Variants in MAPK10 observed in about 807,000 individuals in gnomAD.
MAPK10 encodes the protein JNK3 alpha protein kinase.
A neutral mutation model predicts 59.3 loss-of-function variants in MAPK10; 25 were observed. That is an observed-to-expected ratio of 0.42 (90% CI 0.31 to 0.59). MAPK10 has a LOEUF of 0.59. MAPK10 is among the 20% of genes least tolerant of loss of function. MAPK10 has a pLI of 0.15. For missense variants in MAPK10, 351 were observed against 568.9 expected (o/e 0.62, Z 3.90); for synonymous variants, 190 against 200.5 (o/e 0.95, Z 0.44).
intron 2 of MAPK10, among the ~76,000 whole-genome samples, chr4:86,201,519 T>C (rs1225707633): frequency 6.6e-6 from 1 of 151,876 alleles, no homozygotes; most frequent in Non-Finnish European, 1.5e-5. Flanking sequence ...CAATGGATAG[T>C]GGACTGTGGA....
chr4:86,216,344 A>G (rs985017399), intron 2 of MAPK10, among the ~76,000 whole-genome samples: 3 of 149,328 alleles, frequency 2.0e-5, no homozygotes, highest in African/African-American at 7.3e-5. Context: ...ACAATAGAAA[A>G]GTATTCACCC....
intron 1 of MAPK10, among the ~76,000 whole-genome samples, chr4:86,547,569 C>A (rs748219330): frequency 1.8e-4 from 28 of 152,212 alleles, no homozygotes; most frequent in Non-Finnish European, 3.8e-4. Context: ...GCCGCGGAGC[C>A]TCCCCTAAGA....
intron 1 of MAPK10, among the ~76,000 whole-genome samples, chr4:86,378,493 C>CT (rs35463589): frequency 0.75 from 113,321 of 152,032 alleles, 42,794 homozygotes; most frequent in South Asian, 0.91. Flanking sequence ...TTACTCTTTT[C>CT]GACATATTAA....
chr4:86,241,153 G>T (rs2092698507), intron 2 of MAPK10, among the ~76,000 whole-genome samples: 1 of 152,146 alleles, frequency 6.6e-6, no homozygotes, highest in Admixed American at 6.5e-5. Flanking sequence ...TAAGAATGTT[G>T]AATATTGGCC....
intron 2 of MAPK10, among the ~76,000 whole-genome samples, chr4:86,255,521 C>T (rs79193821): frequency 0.018 from 2,815 of 152,176 alleles, 78 homozygotes; most frequent in African/African-American, 0.065. Flanking sequence ...TCAGTCTGCC[C>T]GTAAGCAGTG....
At chr4:86,538,556 A>G (rs1331885950) in intron 1 of MAPK10, among the ~76,000 whole-genome samples, 2 of 152,158 alleles carry the variant, frequency 1.3e-5, no homozygotes, top group African/African-American at 4.8e-5. Context: ...TTCCTCTTCC[A>G]TATAAATTTT....
intron 2 of MAPK10, among the ~76,000 whole-genome samples, chr4:86,199,493 A>G (rs2149327848): frequency 6.6e-6 from 1 of 152,154 alleles, no homozygotes; most frequent in Non-Finnish European, 1.5e-5. Flanking sequence ...ATATTGCTTT[A>G]GTATGATAAA....
rs2055301253 is a variant in MAPK10 at position 86,101,198 on chromosome 4, A to G, written c.584T>C (p.Ile195Thr). The change falls in exon 8 of 14, where the codon ATT (isoleucine) becomes ACT (threonine). Residue 195 changes from isoleucine to threonine, a missense_variant. Ile to Thr is a moderately conservative substitution (Grantham distance 89). Transcript: ENST00000641462. ...CAATGTGCAATCAGACTTGACTACA[A>G]TGTTACTTGGTTTTAAATCCTAACA... ...IIHRDLKPSN[I>T]VVKSDCTLKI... 1.9e-6 allele frequency: 3 copies of G among 1,613,870 alleles called. No homozygotes were observed. The highest frequency in any genetic ancestry group is 1.7e-6 in the Non-Finnish European group (2 of 1,179,848).
At chr4:86,258,344 C>T (rs2148732854) in intron 2 of MAPK10, among the ~76,000 whole-genome samples, 1 of 152,246 alleles carries the variant, frequency 6.6e-6, no homozygotes, top group East Asian at 1.9e-4. Context: ...ATGTACTATT[C>T]TCTCTTCCCC....
chr4:86,139,564 T>A (rs549912732), intron 4 of MAPK10, among the ~76,000 whole-genome samples: 1 of 152,036 alleles, frequency 6.6e-6, no homozygotes, highest in Admixed American at 6.6e-5. Flanking sequence ...ACGTTAGACC[T>A]AAAACCATAA....
intron 1 of MAPK10, among the ~76,000 whole-genome samples, chr4:86,365,660 T>C (rs1300240994): frequency 6.6e-6 from 1 of 152,040 alleles, no homozygotes; most frequent in African/African-American, 2.4e-5. Flanking sequence ...AATATTATTA[T>C]GGAGTGTTAT....
chr4:86,576,646 T>TAG (rs1761916214), intron 1 of MAPK10, among the ~76,000 whole-genome samples: 1 of 151,672 alleles, frequency 6.6e-6, no homozygotes, highest in Non-Finnish European at 1.5e-5. Flanking sequence ...CGGTGGCGGG[T>TAG]GCCTGTAGTC....
intron 11 of MAPK10, among the ~76,000 whole-genome samples, chr4:86,035,779 A>G (rs546486029): frequency 4.3e-4 from 65 of 152,240 alleles, no homozygotes; most frequent in Non-Finnish European, 7.2e-4. Context: ...GAAAAGGGGA[A>G]ATGAGATTGG....
intron 1 of MAPK10, among the ~76,000 whole-genome samples, chr4:86,568,036 C>G (rs1178444334): frequency 6.6e-6 from 1 of 152,088 alleles, no homozygotes; most frequent in East Asian, 1.9e-4. Context: ...TAATCTTATA[C>G]ATAGAGAACC....
chr4:86,169,551 A>G (rs1394618494), intron 3 of MAPK10, among the ~76,000 whole-genome samples: 1 of 152,212 alleles, frequency 6.6e-6, no homozygotes, highest in Non-Finnish European at 1.5e-5. Context: ...CCTCCAAGAA[A>G]TATGGGACTA....
At chr4:86,378,642 GAT>G (rs1740189938) in intron 1 of MAPK10, among the ~76,000 whole-genome samples, 1 of 152,188 alleles carries the variant, frequency 6.6e-6, no homozygotes, top group East Asian at 1.9e-4. Flanking sequence ...TTTGGTGAAT[GAT>G]TGAATGCAAC....
chr4:86,235,475 C>A (rs1234042198), intron 2 of MAPK10, among the ~76,000 whole-genome samples: 5 of 152,156 alleles, frequency 3.3e-5, no homozygotes, highest in Non-Finnish European at 7.3e-5. Flanking sequence ...AGGCTGCAAG[C>A]TTATGCTTTG....
intron 1 of MAPK10, among the ~76,000 whole-genome samples, chr4:86,446,559 C>A (rs1750067739): frequency 6.6e-6 from 1 of 152,118 alleles, no homozygotes; most frequent in Admixed American, 6.6e-5. Flanking sequence ...TATAAACATT[C>A]ATGTGCTTGT....
chr4:86,259,819 G>A (rs1325827866), intron 2 of MAPK10, among the ~76,000 whole-genome samples: 1 of 152,050 alleles, frequency 6.6e-6, no homozygotes, highest in Non-Finnish European at 1.5e-5. Context: ...TAACCAAGAT[G>A]ATCACAGTTC....
Sources: gnomAD v4.1 joint callset for allele counts (sites outside exome capture counted in the v4.1 genomes callset) on GRCh38, gnomAD v4.1.1 for gene constraint, MANE v1.5 for transcripts, NCBI Gene and HGNC (gene_info 2026-07-23, HGNC 2026-07-21) for gene names.